Variants in MMD2 observed in about 807,000 individuals in gnomAD.
The protein encoded by MMD2 is monocyte to macrophage differentiation associated 2, also known as monocyte to macrophage differentiation factor 2.
Under a neutral mutation model 33.5 loss-of-function variants are expected in MMD2, and 30 were observed. The ratio of observed to expected loss-of-function variants is 0.90; its 90% confidence interval spans 0.67 to 1.22. MMD2 has a LOEUF of 1.22. Among genes scored for constraint, MMD2 ranks in the 50% most tolerant of loss-of-function variants. MMD2 has a pLI of 0.00. For missense variants in MMD2, 364 were observed against 325.4 expected (o/e 1.12, Z -0.91); for synonymous variants, 129 against 123.0 (o/e 1.05, Z -0.32).
Position 4,907,591 on chromosome 7 carries a change from G to T in MMD2, c.546C>A (p.Thr182=), listed in dbSNP as rs771995920. Reference sequence around the variant, plus strand: ...CGGTCACCAGCTCCCAGATGCCCTCGGTGTTGGGCTGTCGGCAAGGACAAG... The same window carrying T: ...CGGTCACCAGCTCCCAGATGCCCTCTGTGTTGGGCTGTCGGCAAGGACAAG... The part of the protein sequence containing the change: ...PALVILSMPN[T]EGIWELVTGG... The change falls in exon 7 of 7, where the codon ACC becomes ACA. Residue 182 remains threonine, a synonymous_variant. Transcript: ENST00000401401. 1.2e-6 allele frequency: 2 copies of T among 1,612,376 alleles called. No homozygotes were observed. The highest frequency in any genetic ancestry group is 1.3e-5 in the African/African-American group (1 of 75,004).
At position 4,946,152 on chromosome 7, in the gene MMD2, C is replaced by CG. The variant is rs1159040610; in HGVS notation, c.47+12818_47+12819insC. On this transcript the variant is annotated intron_variant, in intron 1 of 6. Transcript: ENST00000401401. This position sits in a 1 kb window ranked among gnomAD's most constrained non-coding sequence, Gnocchi z 5.0. ...ACCTGCACACGCACGCACACCCACACCCGCGCGCACACCTGCACACATGCA... is the reference window on the plus strand; with the variant it reads ...ACCTGCACACGCACGCACACCCACACGCCGCGCGCACACCTGCACACATGCA... Among the ~76,000 whole-genome samples the CG allele has an allele frequency of 1.3e-5, 2 of 151,422 alleles. No homozygotes were observed. Among genetic ancestry groups the CG allele is most frequent in the African/African-American group, 4.9e-5 (2 of 41,202 alleles).
chr7:4,895,935 C>G, the MMD2 span, among the ~76,000 whole-genome samples: 1 of 152,148 alleles, frequency 6.6e-6, no homozygotes, highest in Non-Finnish European at 1.5e-5. Context: ...GCCCTGCTCA[C>G]TCCTTCCCGG....
intron 1 of MMD2, among the ~76,000 whole-genome samples, chr7:4,929,659 G>C (rs915355008): frequency 2.7e-4 from 41 of 151,910 alleles, no homozygotes; most frequent in African/African-American, 9.2e-4. Flanking sequence ...CTAGCAGTTG[G>C]AACTACAGGC....
the MMD2 span, among the ~76,000 whole-genome samples, chr7:4,899,576 CA>C: frequency 6.6e-6 from 1 of 151,962 alleles, no homozygotes; most frequent in African/African-American, 2.4e-5. Context: ...TTAGTAGAGA[CA>C]GTGGGAGGGA....
intron 1 of MMD2, among the ~76,000 whole-genome samples, chr7:4,936,741 T>C (rs1785750827): frequency 6.6e-6 from 1 of 151,936 alleles, no homozygotes; most frequent in Non-Finnish European, 1.5e-5. Context: ...GAATATTTTA[T>C]TTTATTTTTT....
intron 1 of MMD2, among the ~76,000 whole-genome samples, chr7:4,935,143 G>A (rs1392710336): frequency 6.6e-6 from 1 of 151,926 alleles, no homozygotes; most frequent in Non-Finnish European, 1.5e-5. Flanking sequence ...CCGAGATCGC[G>A]CTACCACACT....
intron 1 of MMD2, among the ~76,000 whole-genome samples, chr7:4,932,417 T>C (rs1583382560): frequency 6.6e-6 from 1 of 152,268 alleles, no homozygotes; most frequent in East Asian, 1.9e-4. Flanking sequence ...GCTTTATAAT[T>C]TACATAAAGC....
chr7:4,940,361 T>C lies in MMD2; in HGVS notation c.48-14829A>G, dbSNP rs1366514546. On this transcript the variant is annotated intron_variant, in intron 1 of 6. Transcript: ENST00000401401. This position sits in a 1 kb window ranked among gnomAD's most constrained non-coding sequence, Gnocchi z 5.0. ...AAAGAAGCCTGACCCCTTTCATGAATGAGCCCGGGCCCCGGAACGCGGCTG... is the reference window on the plus strand; with the variant it reads ...AAAGAAGCCTGACCCCTTTCATGAACGAGCCCGGGCCCCGGAACGCGGCTG... Among the ~76,000 whole-genome samples the C allele has an allele frequency of 6.6e-6, 1 of 152,174 alleles. No individual in the cohort carries two copies. The highest frequency in any genetic ancestry group is 1.5e-5 in the Non-Finnish European group (1 of 68,028).
intron 1 of MMD2, among the ~76,000 whole-genome samples, chr7:4,939,842 G>A (rs1233376626): frequency 6.6e-6 from 1 of 151,620 alleles, no homozygotes; most frequent in Non-Finnish European, 1.5e-5. Context: ...CCAGGTTCAA[G>A]CAATCTCCTG....
At chr7:4,917,416 C>T (rs1391715023) in intron 3 of MMD2, among the ~76,000 whole-genome samples, 1 of 152,122 alleles carries the variant, frequency 6.6e-6, no homozygotes, top group Non-Finnish European at 1.5e-5. Flanking sequence ...AATCCCAGCA[C>T]TTTGGGAGGC....
chr7:4,902,423 C>T (rs540725467), downstream of MMD2, among the ~76,000 whole-genome samples: 49 of 152,288 alleles, frequency 3.2e-4, 1 homozygote, highest in South Asian at 9.5e-3. Context: ...TGGGTGCCCT[C>T]GGGAAAATCA....
chr7:4,919,702 A>G (rs1278187425), intron 3 of MMD2, among the ~76,000 whole-genome samples: 5 of 152,192 alleles, frequency 3.3e-5, no homozygotes, highest in Non-Finnish European at 5.9e-5. Flanking sequence ...CCTGGCCAAC[A>G]TGGCGAAACC....
rs1785879553 is a variant in MMD2, at chr7:4,940,540, C to G, written c.48-15008G>C. Among the ~76,000 whole-genome samples the G allele has an allele frequency of 1.3e-5, 2 of 152,198 alleles. No individual in the cohort carries two copies. The highest frequency in any genetic ancestry group is 2.1e-4 in the South Asian group (1 of 4,830). The stretch of plus-strand genomic sequence containing the variant: ...GGGACCACGCAGGGCCAAGTTGGCC[C>G]CGGCCGTGCTAAGCCTCTCTCCCCC... On this transcript the variant is annotated intron_variant, in intron 1 of 6. Coordinates refer to ENST00000401401, the MANE Select transcript of MMD2 (RefSeq NM_198403.4). This position sits in a 1 kb window ranked among gnomAD's most constrained non-coding sequence, Gnocchi z 5.0.
intron 1 of MMD2, among the ~76,000 whole-genome samples, chr7:4,953,524 G>T (rs1176152295): frequency 6.6e-6 from 1 of 150,398 alleles, no homozygotes. Context: ...AGGCTGGAGT[G>T]CAGTGGCAAG....
chr7:4,904,555 C>G (rs528383264), downstream of MMD2, among the ~76,000 whole-genome samples: 105 of 152,284 alleles, frequency 6.9e-4, no homozygotes, highest in African/African-American at 2.2e-3. Context: ...TGATTCATTC[C>G]TTTGGCTGAC....
intron 3 of MMD2, among the ~76,000 whole-genome samples, chr7:4,917,772 T>C (rs1254109278): frequency 1.3e-5 from 2 of 151,940 alleles, no homozygotes. Context: ...TCACCTTGTA[T>C]AGTGAGCGAT....
At chr7:4,939,894 C>G (rs1352141249) in intron 1 of MMD2, among the ~76,000 whole-genome samples, 1 of 152,080 alleles carries the variant, frequency 6.6e-6, no homozygotes, top group African/African-American at 2.4e-5. Context: ...TGTACAGAAC[C>G]ACACTGGCTA....
Position 4,932,474 on chromosome 7 carries a change from C to T in MMD2, c.48-6942G>A, listed in dbSNP as rs78582186. 6.4e-3 allele frequency among the ~76,000 whole-genome samples: 976 copies of T among 152,150 alleles called. 9 individuals carry two copies. Among genetic ancestry groups the T allele is most frequent in the African/African-American group, 0.022 (932 of 41,516 alleles). On this transcript the variant is annotated intron_variant, in intron 1 of 6. Coordinates refer to ENST00000401401, the MANE Select transcript of MMD2 (RefSeq NM_198403.4). The stretch of plus-strand genomic sequence containing the variant: ...ATAGTTTTGTGAGTTTTGACAAATA[C>T]GGAGAGTCCTGTAACTGCCACCGCC...
chr7:4,916,288 G>A (rs941737594), intron 3 of MMD2, among the ~76,000 whole-genome samples: 1 of 151,946 alleles, frequency 6.6e-6, no homozygotes, highest in Non-Finnish European at 1.5e-5. Flanking sequence ...TCACCCTAGG[G>A]GCTGCATGGA....
Sources: allele counts gnomAD v4.1 joint callset (sites outside exome capture counted in the v4.1 genomes callset), GRCh38; gene constraint gnomAD v4.1.1; non-coding constraint Gnocchi (gnomAD v3.1); transcripts MANE v1.5; gene names NCBI Gene and HGNC (gene_info 2026-07-23, HGNC 2026-07-21).